REPS2: variants seen among roughly 807,000 people sequenced by gnomAD.
The protein encoded by REPS2 is RALBP1 associated Eps domain containing 2.
Under a neutral mutation model 53.6 loss-of-function variants are expected in REPS2, and 23 were observed. The observed-to-expected ratio is 0.43, with a 90% CI of 0.31 to 0.61. The LOEUF (loss-of-function observed/expected upper bound fraction) is 0.61. Among genes scored for constraint, REPS2 ranks in the 20% least tolerant of loss-of-function variants. REPS2 has a pLI of 0.11. For missense variants in REPS2, 446 were observed against 534.9 expected, an observed-to-expected ratio of 0.83 and a Z score of 1.64; for synonymous variants, 238 against 218.6, an observed-to-expected ratio of 1.09 and a Z score of -0.78.
chrX:17,022,336 G>C (rs183795851), intron 3 of REPS2, 65 bp downstream of exon 3: 1 of 1,004,028 alleles, frequency 1.0e-6, no homozygotes, highest in Non-Finnish European at 1.4e-6. Flanking sequence ...GCAGGGCCTC[G>C]TATCTACTGT....
rs745511743 is a variant in REPS2, at chrX:17,048,202, C to G, written c.907+720C>G. Among the ~76,000 whole-genome samples, 105 of 112,354 alleles carry G rather than the reference C, an allele frequency of 9.3e-4. 1 individual carries two copies. Among genetic ancestry groups the G allele is most frequent in the Non-Finnish European group, 1.4e-3 (76 of 53,310 alleles). ...ATATGTCCTTAATAATTGTAACCTGCCATATTGAAGTGTGGGCAAAGATTA... is the reference window on the plus strand; with the variant it reads ...ATATGTCCTTAATAATTGTAACCTGGCATATTGAAGTGTGGGCAAAGATTA... On this transcript the variant is annotated intron_variant, in intron 6 of 17. Coordinates refer to ENST00000357277, the MANE Select transcript of REPS2 (RefSeq NM_004726.3).
At chrX:17,094,148 G>A (rs2062665069) in intron 13 of REPS2, among the ~76,000 whole-genome samples, 1 of 111,908 alleles carries the variant, frequency 8.9e-6, no homozygotes, top group Admixed American at 9.5e-5. Context: ...AAGGGTGCAT[G>A]GAGCTCAATT....
At chrX:17,028,623 G>A (rs1467841075) in intron 4 of REPS2, among the ~76,000 whole-genome samples, 1 of 112,396 alleles carries the variant, frequency 8.9e-6, no homozygotes, top group Admixed American at 9.4e-5. Context: ...CATTCTTGAT[G>A]TGCTATTGTT....
At chrX:17,192,180 G>A in the REPS2 span, among the ~76,000 whole-genome samples, 1 of 112,276 alleles carries the variant, frequency 8.9e-6, no homozygotes, top group South Asian at 3.7e-4. Context: ...GCCCCCGACC[G>A]CCGATGTGTG....
intron 1 of REPS2, among the ~76,000 whole-genome samples, chrX:16,985,102 G>A (rs1050120812): frequency 9.0e-6 from 1 of 111,105 alleles, no homozygotes. Flanking sequence ...TAAGAATTGA[G>A]GTTTTTTTTT....
chrX:16,985,426 G>A (rs1489151194), intron 1 of REPS2, among the ~76,000 whole-genome samples: 1 of 111,906 alleles, frequency 8.9e-6, no homozygotes, highest in African/African-American at 3.3e-5. Flanking sequence ...TCAGTTGGTT[G>A]TGACCAATTT....
At chrX:17,101,411 A>G (rs1569177374) in intron 13 of REPS2, among the ~76,000 whole-genome samples, 1 of 111,080 alleles carries the variant, frequency 9.0e-6, no homozygotes, top group Non-Finnish European at 1.9e-5. Context: ...ACGGACACAT[A>G]CCTGTGATAC....
intron 14 of REPS2, among the ~76,000 whole-genome samples, chrX:17,115,595 T>C (rs2063041222): frequency 8.9e-6 from 1 of 111,856 alleles, no homozygotes; most frequent in Admixed American, 9.4e-5. Context: ...GGTCTTTCTC[T>C]TCCCACGAGG....
intron 1 of REPS2, among the ~76,000 whole-genome samples, chrX:17,003,705 T>C (rs2147791900): frequency 8.9e-6 from 1 of 112,255 alleles, no homozygotes; most frequent in South Asian, 3.7e-4. Flanking sequence ...TTCAAATCTT[T>C]CTAAGGAAAC....
chrX:17,168,127 C>G, the REPS2 span, among the ~76,000 whole-genome samples: 1 of 111,736 alleles, frequency 8.9e-6, no homozygotes, highest in South Asian at 3.8e-4. Flanking sequence ...ATCTTTCTGC[C>G]TCAGGGCTTT....
intron 1 of REPS2, among the ~76,000 whole-genome samples, chrX:16,991,852 G>A (rs545481564): frequency 6.3e-5 from 7 of 111,638 alleles, no homozygotes; most frequent in South Asian, 7.6e-4. Flanking sequence ...GACCGCCTGC[G>A]GCTGCAAGAA....
intron 5 of REPS2, among the ~76,000 whole-genome samples, chrX:17,034,667 C>T (rs2061745752): frequency 8.9e-6 from 1 of 112,260 alleles, no homozygotes; most frequent in African/African-American, 3.2e-5. Flanking sequence ...AAAACCAAAA[C>T]ACATTCACTT....
intron 2 of REPS2, among the ~76,000 whole-genome samples, chrX:17,007,397 A>C (rs1569121415): frequency 8.9e-6 from 1 of 112,164 alleles, no homozygotes; most frequent in East Asian, 2.8e-4. Context: ...TGTCAGTTTG[A>C]TTGCTTAGGA....
At chrX:17,095,906 A>G (rs1249600951) in intron 13 of REPS2, among the ~76,000 whole-genome samples, 2 of 111,946 alleles carry the variant, frequency 1.8e-5, no homozygotes, top group African/African-American at 6.5e-5. Flanking sequence ...CTGCTTTCTC[A>G]GATCTGTCTA....
At chrX:17,129,789 C>T (rs2063268040) in intron 14 of REPS2, among the ~76,000 whole-genome samples, 1 of 112,015 alleles carries the variant, frequency 8.9e-6, no homozygotes, top group Admixed American at 9.5e-5. Context: ...TTTATCATCT[C>T]CTTGGATATT....
intron 1 of REPS2, among the ~76,000 whole-genome samples, chrX:16,952,892 G>T (rs1336769514): frequency 9.0e-6 from 1 of 111,025 alleles, no homozygotes; most frequent in African/African-American, 3.3e-5. Flanking sequence ...TTGGGAGGCC[G>T]AGGCGGGCAG....
chrX:17,076,768 G>A (rs1477125750), intron 12 of REPS2, among the ~76,000 whole-genome samples: 1 of 111,761 alleles, frequency 8.9e-6, no homozygotes, highest in Non-Finnish European at 1.9e-5. Flanking sequence ...ATTGATGTGT[G>A]TTTTCCTTTC....
intron 13 of REPS2, 57 bp from the exon 14 acceptor site, chrX:17,103,660 GT>G: frequency 1.8e-6 from 2 of 1,098,709 alleles, no homozygotes; most frequent in Non-Finnish European, 2.5e-6. Context: ...AAGCATAAGA[GT>G]TTTTTGTTGT....
At chrX:16,948,886 C>T (rs1476310587) in intron 1 of REPS2, among the ~76,000 whole-genome samples, 1 of 112,120 alleles carries the variant, frequency 8.9e-6, no homozygotes, top group African/African-American at 3.2e-5. Flanking sequence ...TCTCAGAGCT[C>T]GAAGCTCCCT....
Sources: gnomAD v4.1 joint callset for allele counts (sites outside exome capture counted in the v4.1 genomes callset) on GRCh38, gnomAD v4.1.1 for gene constraint, MANE v1.5 for transcripts, NCBI Gene and HGNC (gene_info 2026-07-23, HGNC 2026-07-21) for gene names.